RNF220: variants seen among roughly 807,000 people sequenced by gnomAD.
The protein encoded by RNF220 is ring finger protein 220, also known as E3 ubiquitin-protein ligase RNF220.
A neutral mutation model predicts 67.1 loss-of-function variants in RNF220; 7 were observed. The observed-to-expected ratio is 0.10, with a 90% CI of 0.06 to 0.20. RNF220 has a LOEUF of 0.20. Among genes scored for constraint, RNF220 ranks in the 10% least tolerant of loss-of-function variants. The probability of loss-of-function intolerance (pLI) is 1.00; values close to 1 mark genes in which losing one functional copy is unlikely to be tolerated. For synonymous variants in RNF220, 270 were observed against 283.2 expected, an observed-to-expected ratio of 0.95 and a Z score of 0.47; for missense variants, 565 against 740.3, an observed-to-expected ratio of 0.76 and a Z score of 2.75.
intron 2 of RNF220, among the ~76,000 whole-genome samples, chr1:44,422,745 C>T (rs145753125): frequency 2.0e-5 from 3 of 152,226 alleles, no homozygotes; most frequent in East Asian, 1.9e-4. Context: ...CATCTTTGAT[C>T]GTGGGAAGTG....
At chr1:44,445,827 CAT>C (rs1453558200) in intron 2 of RNF220, among the ~76,000 whole-genome samples, 1 of 152,176 alleles carries the variant, frequency 6.6e-6, no homozygotes, top group Non-Finnish European at 1.5e-5. Flanking sequence ...TCATATTATA[CAT>C]GAGTCCTTTC....
chr1:44,503,807 C>T (rs1658154210), intron 2 of RNF220, among the ~76,000 whole-genome samples: 1 of 152,142 alleles, frequency 6.6e-6, no homozygotes, highest in African/African-American at 2.4e-5. Context: ...CACCCTAGGC[C>T]TACTGAACTG....
At chr1:44,608,176 CG>C (rs34690393) in intron 2 of RNF220, among the ~76,000 whole-genome samples, 11,513 of 152,186 alleles carry the variant, frequency 0.076, 517 homozygotes, top group Non-Finnish European at 0.1. Flanking sequence ...CCTCCCACCT[CG>C]GCCTCTCGAA....
intron 2 of RNF220, among the ~76,000 whole-genome samples, chr1:44,511,601 A>T (rs1184188237): frequency 6.6e-6 from 1 of 152,266 alleles, no homozygotes; most frequent in African/African-American, 2.4e-5. Flanking sequence ...AGGTAGGAGA[A>T]TACTCAGAAA....
At chr1:44,434,368 C>T (rs937065935) in intron 2 of RNF220, among the ~76,000 whole-genome samples, 2 of 152,148 alleles carry the variant, frequency 1.3e-5, no homozygotes, top group African/African-American at 4.8e-5. Context: ...CAGGAAGCCA[C>T]AGAGTGTTTT....
rs1007307815 is a variant in RNF220 at position 44,645,467 on chromosome 1, G to A, written c.1424G>A (p.Cys475Tyr). ...AAGCAGGAGGCCATGCAGAAGACCT[G>A]CAAGAACAGCGACATCGAGAAGTAA... is the stretch of plus-strand genomic sequence containing the variant. ...SSKQEAMQKT[C>Y]KNSDIEKITE... Residue 475 changes from cysteine (C) to tyrosine (Y), a missense_variant, in exon 12 of 15, where the codon TGC becomes TAC. Coordinates refer to ENST00000361799, the MANE Select transcript of RNF220 (RefSeq NM_018150.4). The surrounding 1 kb of genome is among the most constrained non-coding windows in gnomAD (Gnocchi z 5.0). The A allele has an allele frequency of 1.9e-6, 3 of 1,614,108 alleles. No individual in the cohort carries two copies. The highest frequency in any genetic ancestry group is 1.7e-6 in the Non-Finnish European group (2 of 1,180,020).
intron 2 of RNF220, among the ~76,000 whole-genome samples, chr1:44,441,108 T>C (rs1651506367): frequency 6.6e-6 from 1 of 152,164 alleles, no homozygotes. Context: ...GATATTATCA[T>C]TGGAAAGAAA....
rs138224069 is a variant in RNF220 at position 44,624,617 on chromosome 1, G to A, written c.805-1680G>A. Among the ~76,000 whole-genome samples the A allele has an allele frequency of 5.2e-3, 792 of 152,170 alleles. 5 individuals are homozygous for A. Among genetic ancestry groups the A allele is most frequent in the African/African-American group, 0.018 (758 of 41,516 alleles). ...GACCTAGGCTTTAGGGAAGCAGGTC[G>A]TGAGTGGAAGAGGCGAGAGAGAGAA... On this transcript the variant is annotated intron_variant, in intron 4 of 14. Coordinates refer to ENST00000361799, the MANE Select transcript of RNF220 (RefSeq NM_018150.4). This position sits in a 1 kb window ranked among gnomAD's most constrained non-coding sequence, Gnocchi z 4.2.
intron 2 of RNF220, among the ~76,000 whole-genome samples, chr1:44,495,740 AG>A (rs1315546297): frequency 2.0e-5 from 3 of 152,234 alleles, no homozygotes; most frequent in Admixed American, 6.5e-5. Flanking sequence ...GGCCTGACAA[AG>A]AGCTTTCTAG....
intron 2 of RNF220, among the ~76,000 whole-genome samples, chr1:44,560,411 G>A (rs886952440): frequency 1.3e-4 from 20 of 152,198 alleles, no homozygotes; most frequent in African/African-American, 4.8e-4. Context: ...GGCTCCTGGA[G>A]GTAGAGTCGG....
At chr1:44,644,606 G>T (rs111496615) in intron 8 of RNF220, 92 bp from the exon 9 acceptor site, 2 of 950,688 alleles carry the variant, frequency 2.1e-6, no homozygotes, top group South Asian at 1.4e-5. Context: ...GCCTTATCAG[G>T]TCCAAAGCCT....
chr1:44,427,840 A>T (rs181186990), intron 2 of RNF220, among the ~76,000 whole-genome samples: 1 of 152,294 alleles, frequency 6.6e-6, no homozygotes, highest in Non-Finnish European at 1.5e-5. Context: ...TGCCTTCAAT[A>T]AATGTTAGCT....
chr1:44,487,320 T>A (rs1035173593), intron 2 of RNF220, among the ~76,000 whole-genome samples: 2 of 147,446 alleles, frequency 1.4e-5, no homozygotes, highest in Non-Finnish European at 3.0e-5. Flanking sequence ...GGGTGACAGA[T>A]CGAGACTCTG....
At chr1:44,562,643 G>A (rs1558046421) in intron 2 of RNF220, among the ~76,000 whole-genome samples, 1 of 152,164 alleles carries the variant, frequency 6.6e-6, no homozygotes, top group Admixed American at 6.5e-5. Flanking sequence ...GGGCTAAGTC[G>A]GGGTTGGGGG....
chr1:44,576,159 C>A (rs1664788849), intron 2 of RNF220, among the ~76,000 whole-genome samples: 1 of 152,250 alleles, frequency 6.6e-6, no homozygotes, highest in Non-Finnish European at 1.5e-5. Flanking sequence ...TTCATCAGAG[C>A]AACAAATGCT....
intron 1 of RNF220, 44 bp from the exon 2 acceptor site, chr1:44,411,936 CT>C: frequency 1.3e-6 from 1 of 769,512 alleles, no homozygotes; most frequent in Non-Finnish European, 2.0e-6. Context: ...TTTCCTCCCC[CT>C]GACTTTCCTC....
intron 2 of RNF220, among the ~76,000 whole-genome samples, chr1:44,420,984 ACT>A (rs917033298): frequency 1.3e-5 from 2 of 152,074 alleles, no homozygotes; most frequent in Non-Finnish European, 2.9e-5. Context: ...CCTTTCACAC[ACT>A]CATGCCTTAT....
At chr1:44,471,178 C>A (rs910242487) in intron 2 of RNF220, among the ~76,000 whole-genome samples, 8 of 152,224 alleles carry the variant, frequency 5.3e-5, no homozygotes, top group Admixed American at 1.3e-4. Flanking sequence ...GTAATCCTAG[C>A]ACTTTGGGAG....
At chr1:44,423,199 A>G (rs529777300) in intron 2 of RNF220, among the ~76,000 whole-genome samples, 6 of 152,320 alleles carry the variant, frequency 3.9e-5, no homozygotes, top group Admixed American at 2.0e-4. Context: ...CTTTACGCTG[A>G]TATCTGAAAA....
Sources: allele counts gnomAD v4.1 joint callset (sites outside exome capture counted in the v4.1 genomes callset), GRCh38; gene constraint gnomAD v4.1.1; non-coding constraint Gnocchi (gnomAD v3.1); transcripts MANE v1.5; gene names NCBI Gene and HGNC (gene_info 2026-07-23, HGNC 2026-07-21).